Variants in GNAO1 observed in about 807,000 individuals in gnomAD.
GNAO1 encodes the protein guanine nucleotide-binding protein G(o) subunit alpha.
For synonymous variants in GNAO1, 164 were observed against 180.7 expected (o/e 0.91, Z 0.74); for missense variants, 166 against 478.7 (o/e 0.35, Z 6.10).
intron 3 of GNAO1, among the ~76,000 whole-genome samples, chr16:56,313,355 G>C (rs1391417172): frequency 6.6e-6 from 1 of 151,722 alleles, no homozygotes; most frequent in African/African-American, 2.4e-5. Context: ...TTAAAATTAA[G>C]GAAAATTTAA....
At chr16:56,192,645 CT>C in intron 2 of GNAO1, 29 bp downstream of exon 2, 1 of 1,405,708 alleles carries the variant, frequency 7.1e-7, no homozygotes, top group Non-Finnish European at 1.0e-6. Context: ...GGGATTCGTA[CT>C]TTTATTAAGA....
chr16:56,330,638 C>T (rs1430112100), intron 4 of GNAO1, among the ~76,000 whole-genome samples: 4 of 152,238 alleles, frequency 2.6e-5, no homozygotes, highest in Non-Finnish European at 5.9e-5. Flanking sequence ...TATTTACTGC[C>T]ACCCACTCTG....
intron 2 of GNAO1, among the ~76,000 whole-genome samples, chr16:56,239,916 G>A (rs944927839): frequency 8.5e-5 from 13 of 152,192 alleles, no homozygotes; most frequent in African/African-American, 2.9e-4. Flanking sequence ...AGGGGGTGCA[G>A]GTCTCAGCAA....
At chr16:56,220,076 A>G (rs775936196) in intron 2 of GNAO1, among the ~76,000 whole-genome samples, 15 of 152,294 alleles carry the variant, frequency 9.8e-5, no homozygotes, top group South Asian at 2.1e-4. Context: ...AAACTTCTCC[A>G]TACCTATTAT....
At chr16:56,227,135 TTTTTTG>T (rs2036539336) in intron 2 of GNAO1, among the ~76,000 whole-genome samples, 1 of 152,238 alleles carries the variant, frequency 6.6e-6, no homozygotes, top group African/African-American at 2.4e-5. Flanking sequence ...CCCATGCAGT[TTTTTTG>T]TTTTTGTTTT....
intron 2 of GNAO1, among the ~76,000 whole-genome samples, chr16:56,275,051 G>A (rs1317661677): frequency 7.9e-5 from 12 of 152,226 alleles, no homozygotes; most frequent in South Asian, 6.2e-4. Context: ...ATATTGGTGC[G>A]TGAACGTGTC....
At chr16:56,332,469 T>C (rs1025275750) in intron 4 of GNAO1, among the ~76,000 whole-genome samples, 2 of 152,054 alleles carry the variant, frequency 1.3e-5, no homozygotes, top group African/African-American at 4.8e-5. Flanking sequence ...CCCCCATCAC[T>C]AATAGCCTGA....
intron 2 of GNAO1, among the ~76,000 whole-genome samples, chr16:56,219,460 G>A (rs1245359891): frequency 5.9e-5 from 9 of 152,132 alleles, no homozygotes; most frequent in Non-Finnish European, 5.9e-5. Context: ...GCTTCTTGGG[G>A]GAGTCCTTAG....
At chr16:56,322,643 GC>G (rs769535281) in intron 3 of GNAO1, among the ~76,000 whole-genome samples, 2 of 151,998 alleles carry the variant, frequency 1.3e-5, no homozygotes, top group East Asian at 3.9e-4. Context: ...CTCAGCTTGG[GC>G]CTCAGGTGGC....
chr16:56,194,032 C>T (rs1357904987), intron 2 of GNAO1: 1 of 435,120 alleles, frequency 2.3e-6, no homozygotes, highest in African/African-American at 2.0e-5. Flanking sequence ...GTTTCAGAAC[C>T]AAGATGCAAA....
intron 4 of GNAO1, among the ~76,000 whole-genome samples, chr16:56,332,794 G>A (rs1364935971): frequency 6.6e-6 from 1 of 152,244 alleles, no homozygotes; most frequent in Non-Finnish European, 1.5e-5. Flanking sequence ...GCCCTGGCTG[G>A]GAAAGGAAGA....
chr16:56,247,062 C>T (rs548518683), intron 2 of GNAO1, among the ~76,000 whole-genome samples: 2 of 152,328 alleles, frequency 1.3e-5, no homozygotes, highest in Non-Finnish European at 2.9e-5. Context: ...TTCCTCTTCT[C>T]CCCGCAGTCT....
intron 2 of GNAO1, among the ~76,000 whole-genome samples, chr16:56,213,654 G>A (rs1030340456): frequency 2.0e-5 from 3 of 152,184 alleles, no homozygotes; most frequent in South Asian, 2.1e-4. Context: ...TTTTTAAGTC[G>A]TCAGGGAGGG....
intron 6 of GNAO1, chr16:56,343,724 G>T: frequency 6.4e-7 from 1 of 1,550,574 alleles, no homozygotes; most frequent in Non-Finnish European, 8.8e-7. Flanking sequence ...AGTCCCATGG[G>T]CCTCTCGCCT....
chr16:56,292,877 C>T lies in GNAO1; in HGVS notation c.303+16805C>T, dbSNP rs192445276. On this transcript the variant is annotated intron_variant, in intron 3 of 8. Coordinates refer to ENST00000262493, the MANE Select transcript of GNAO1 (RefSeq NM_020988.3). ...ACACTCTGGAAAATGCCCAACTCCA[C>T]CTGCTGTAACCAGCAGCCCCGAAAT... Among the ~76,000 whole-genome samples, 221 of 152,368 alleles carry T rather than the reference C, an allele frequency of 1.5e-3. 2 individuals are homozygous for T. The highest frequency in any genetic ancestry group is 4.4e-3 in the African/African-American group (182 of 41,584).
chr16:56,347,486 G>T, intron 6 of GNAO1: 1 of 985,422 alleles, frequency 1.0e-6, no homozygotes, highest in Non-Finnish European at 1.2e-6. Context: ...ACCCCACCCT[G>T]CCCAGAGAGG....
chr16:56,226,572 G>A (rs1363236224), intron 2 of GNAO1: 1 of 152,242 alleles, frequency 6.6e-6, no homozygotes, highest in Non-Finnish European at 1.5e-5. Flanking sequence ...GTCTACTGAG[G>A]TAGGAAAGAC....
At chr16:56,266,466 G>C (rs1054122293) in intron 2 of GNAO1, among the ~76,000 whole-genome samples, 5 of 152,154 alleles carry the variant, frequency 3.3e-5, no homozygotes, top group African/African-American at 1.2e-4. Context: ...TCTTACTTCT[G>C]CCCAACCAGT....
At chr16:56,289,828 C>T (rs909181740) in intron 3 of GNAO1, among the ~76,000 whole-genome samples, 5 of 152,164 alleles carry the variant, frequency 3.3e-5, no homozygotes, top group African/African-American at 1.2e-4. Flanking sequence ...ATTGGGGTAC[C>T]TGGAACCCAG....
Sources: allele counts gnomAD v4.1 joint callset (sites outside exome capture counted in the v4.1 genomes callset), GRCh38; gene constraint gnomAD v4.1.1; transcripts MANE v1.5; gene names NCBI Gene and HGNC (gene_info 2026-07-23, HGNC 2026-07-21).